The following SPTBN1 variants were observed in gnomAD, a reference collection of about 807,000 sequenced individuals.
The protein encoded by SPTBN1 is spectrin beta chain, non-erythrocytic 1.
SPTBN1 carries 32 observed loss-of-function variants against 266.4 expected under a neutral mutation model. That is an observed-to-expected ratio of 0.12 (90% CI 0.09 to 0.16). The LOEUF (loss-of-function observed/expected upper bound fraction) is 0.16. Among genes scored for constraint, SPTBN1 ranks in the 10% least tolerant of loss-of-function variants. The pLI is 1.00. For missense variants in SPTBN1, 2,296 were observed against 3,067.1 expected (o/e 0.75, Z 5.94); for synonymous variants, 1,336 against 1,162.2 (o/e 1.15, Z -3.04).
intron 1 of SPTBN1, among the ~76,000 whole-genome samples, chr2:54,486,578 T>C (rs896882158): frequency 2.6e-5 from 4 of 152,116 alleles, no homozygotes; most frequent in South Asian, 2.1e-4. Context: ...GGGACACAAA[T>C]ACTGTGGAAG....
intron 1 of SPTBN1, among the ~76,000 whole-genome samples, chr2:54,485,843 G>A (rs1024911806): frequency 6.8e-5 from 10 of 146,874 alleles, no homozygotes; most frequent in African/African-American, 1.8e-4. Flanking sequence ...CTGCCCCGCC[G>A]CCCTGTCTGG....
At chr2:54,596,176 A>G (rs1372568990) in intron 2 of SPTBN1, among the ~76,000 whole-genome samples, 1 of 152,150 alleles carries the variant, frequency 6.6e-6, no homozygotes, top group Non-Finnish European at 1.5e-5. Context: ...TTTCATCGTC[A>G]GTGCCAAGGG....
At chr2:54,635,753 C>T (rs892554894) in intron 17 of SPTBN1, among the ~76,000 whole-genome samples, 1 of 152,224 alleles carries the variant, frequency 6.6e-6, no homozygotes, top group Admixed American at 6.5e-5. Context: ...CCTTTGACTA[C>T]TGGCAGGACT....
intron 29 of SPTBN1, 88 bp from the exon 30 acceptor site, chr2:54,657,762 C>G: frequency 6.6e-7 from 1 of 1,511,866 alleles, no homozygotes; most frequent in Non-Finnish European, 9.1e-7. Flanking sequence ...GTAGCCATCA[C>G]CAGAGGGCAG....
intron 3 of SPTBN1, among the ~76,000 whole-genome samples, chr2:54,607,453 T>C (rs1676921565): frequency 6.6e-6 from 1 of 152,110 alleles, no homozygotes; most frequent in African/African-American, 2.4e-5. Flanking sequence ...TGAAACGCCA[T>C]CTCTACTAAA....
chr2:54,576,891 G>A (rs1181463529), intron 2 of SPTBN1, among the ~76,000 whole-genome samples: 2 of 152,162 alleles, frequency 1.3e-5, no homozygotes, highest in Non-Finnish European at 1.5e-5. Flanking sequence ...TGGGATGTGG[G>A]GGAAGCATTT....
Position 54,645,857 on chromosome 2 carries a change from C to T in SPTBN1, c.4495-71C>T. The T allele has an allele frequency of 6.4e-7, 1 of 1,551,068 alleles. No individual in the cohort carries two copies. The highest frequency in any genetic ancestry group is 8.9e-7 in the Non-Finnish European group (1 of 1,126,100). ...TCACCCTTGCTGTCCCTCACTGCCC[C>T]TCACTGCTCGTTTGTGTCGTATATT... On this transcript the variant is annotated intron_variant, in intron 21 of 35. Coordinates refer to ENST00000356805, the MANE Select transcript of SPTBN1 (RefSeq NM_003128.3). The surrounding 1 kb of genome is among the most constrained non-coding windows in gnomAD (Gnocchi z 4.3).
intron 18 of SPTBN1, 95 bp from the exon 19 acceptor site, chr2:54,642,888 G>GTAT: frequency 1.4e-6 from 2 of 1,434,934 alleles, no homozygotes; most frequent in Non-Finnish European, 1.9e-6. Context: ...AACGTGTGTA[G>GTAT]TATGCATAAT....
chr2:54,468,025 T>C (rs1421044627), intron 1 of SPTBN1, among the ~76,000 whole-genome samples: 1 of 152,042 alleles, frequency 6.6e-6, no homozygotes, highest in Non-Finnish European at 1.5e-5. Flanking sequence ...TTAGTGTTTC[T>C]CGGCCAGGTG....
chr2:54,660,428 A>G (rs1387126629), intron 32 of SPTBN1: 3 of 1,082,300 alleles, frequency 2.8e-6, no homozygotes, highest in Non-Finnish European at 3.4e-6. Context: ...CAGTTATTCT[A>G]ACAGGGCACA....
chr2:54,646,485 G>A lies in SPTBN1; in HGVS notation c.4866+10G>A. 2.7e-6 allele frequency: 4 copies of A among 1,488,120 alleles called. No homozygotes were observed. In the South Asian group the frequency reaches 5.7e-5, roughly 21 times the overall value. The allele number at this position is 1,488,120 out of a possible 1,614,324, so 92.2% of individuals were successfully genotyped here. On this transcript the variant is annotated intron_variant, in intron 23 of 35. Coordinates refer to ENST00000356805, the MANE Select transcript of SPTBN1 (RefSeq NM_003128.3). This position sits in a 1 kb window ranked among gnomAD's most constrained non-coding sequence, Gnocchi z 4.4. The stretch of plus-strand genomic sequence containing the variant: ...AGAGGAGAAGGCCAAGGTGAGAGGA[G>A]GCGGGAAGCATCCCTGTCCCAGGAG...
chr2:54,579,361 T>A (rs1674714935), intron 2 of SPTBN1, among the ~76,000 whole-genome samples: 3 of 152,336 alleles, frequency 2.0e-5, no homozygotes. Flanking sequence ...ACTGATTCTC[T>A]GCTCATGTGT....
At chr2:54,488,378 T>C (rs1473581414) in intron 1 of SPTBN1, among the ~76,000 whole-genome samples, 1 of 152,214 alleles carries the variant, frequency 6.6e-6, no homozygotes, top group East Asian at 1.9e-4. Flanking sequence ...TCAGTGACTC[T>C]CTGTTTTCAC....
chr2:54,600,970 C>T (rs1410589747), intron 3 of SPTBN1, among the ~76,000 whole-genome samples: 2 of 152,010 alleles, frequency 1.3e-5, no homozygotes, highest in African/African-American at 2.4e-5. Flanking sequence ...GGATCAGGCC[C>T]ATTGCCGTTT....
chr2:54,666,749 T>A (rs548287827), intron 34 of SPTBN1, among the ~76,000 whole-genome samples: 19 of 152,244 alleles, frequency 1.2e-4, no homozygotes, highest in Admixed American at 2.6e-4. Context: ...TTTACTGATT[T>A]GTGCTGTTGC....
intron 3 of SPTBN1, among the ~76,000 whole-genome samples, chr2:54,611,613 TC>T (rs1447668854): frequency 3.3e-5 from 5 of 152,188 alleles, no homozygotes; most frequent in African/African-American, 4.8e-5. Flanking sequence ...TTTTCCCTTT[TC>T]CCCTTCTTTT....
chr2:54,534,070 A>G (rs1170100899), intron 2 of SPTBN1, among the ~76,000 whole-genome samples: 1 of 152,194 alleles, frequency 6.6e-6, no homozygotes, highest in African/African-American at 2.4e-5. Flanking sequence ...GCAAAATTGA[A>G]GAGGCTAGGC....
chr2:54,552,576 C>A (rs1264414514), intron 2 of SPTBN1, among the ~76,000 whole-genome samples: 1 of 152,064 alleles, frequency 6.6e-6, no homozygotes, highest in East Asian at 1.9e-4. Context: ...CCTGCCTCAG[C>A]CTCCTGAGTA....
rs138260943 is a variant in SPTBN1, at chr2:54,502,304, C to A, written c.-47-24068C>A. Among the ~76,000 whole-genome samples, 821 of 152,130 alleles carry A rather than the reference C, an allele frequency of 5.4e-3. 3 individuals carry two copies. Among genetic ancestry groups the A allele is most frequent in the Middle Eastern group, 0.037 (11 of 294 alleles). On this transcript the variant is annotated intron_variant, in intron 1 of 35. Transcript: ENST00000356805. ...GGAGCCTGTCACAGGACCTCAGGAACGTAGCCTGTAGTGGGCAGCTGGCAT... is the reference window on the plus strand; with the variant it reads ...GGAGCCTGTCACAGGACCTCAGGAAAGTAGCCTGTAGTGGGCAGCTGGCAT...
Sources: allele counts gnomAD v4.1 joint callset (sites outside exome capture counted in the v4.1 genomes callset), GRCh38; gene constraint gnomAD v4.1.1; non-coding constraint Gnocchi (gnomAD v3.1); transcripts MANE v1.5; gene names NCBI Gene and HGNC (gene_info 2026-07-23, HGNC 2026-07-21).